SERPINA5: variants seen among roughly 807,000 people sequenced by gnomAD.
SERPINA5 encodes plasma serine protease inhibitor.
Under a neutral mutation model 25.3 loss-of-function variants are expected in SERPINA5, and 25 were observed. The observed-to-expected ratio is 0.99, with a 90% CI of 0.72 to 1.38. The LOEUF is 1.38. SERPINA5 is among the 40% of genes most tolerant of loss of function. The pLI is 0.00. For synonymous variants in SERPINA5, 234 were observed against 206.2 expected (o/e 1.14, Z -1.16); for missense variants, 599 against 509.5 (o/e 1.18, Z -1.69).
intron 5 of SERPINA5, 33 bp downstream of exon 5, chr14:94,590,929 C>T: frequency 6.3e-7 from 1 of 1,592,962 alleles, no homozygotes; most frequent in East Asian, 2.2e-5. Context: ...ATCTGCTTCC[C>T]AAGGTCTATT....
At chr14:94,591,549 GTTCTATTCTATTCTATTCTA>G (rs59712526) in intron 5 of SERPINA5, among the ~76,000 whole-genome samples, 36 of 108,298 alleles carry the variant, frequency 3.3e-4, no homozygotes, top group South Asian at 1.4e-3. Context: ...ATTCTGTTCT[GTTCTATTCTATTCTATTCTA>G]TTCTATTCTA....
chr14:94,590,065 A>G lies in SERPINA5; in HGVS notation c.644A>G (p.His215Arg). Residue 215 changes from histidine (H) to arginine (R), a missense_variant, in exon 4 of 6, where the codon CAC becomes CGC. His to Arg is a conservative substitution (Grantham distance 29). Coordinates refer to ENST00000329597, the MANE Select transcript of SERPINA5 (RefSeq NM_000624.6). ...FKAKWETSFN[H>R]KGTQEQDFYV... Reference sequence around the variant, plus strand: ...GCTAAGTGGGAGACAAGCTTCAACCACAAAGGCACCCAAGAGCAAGACTTC... The same window carrying G: ...GCTAAGTGGGAGACAAGCTTCAACCGCAAAGGCACCCAAGAGCAAGACTTC... The G allele has an allele frequency of 6.3e-7, 1 of 1,592,578 alleles. No homozygotes were observed. Among genetic ancestry groups the G allele is most frequent in the Non-Finnish European group, 8.6e-7 (1 of 1,164,310 alleles).
chr14:94,590,081 G>A lies in SERPINA5; in HGVS notation c.660G>A (p.Glu220=). The stretch of plus-strand genomic sequence containing the variant: ...GCTTCAACCACAAAGGCACCCAAGA[G>A]CAAGACTTCTACGTGACCTCGGAGA... ...ETSFNHKGTQ[E]QDFYVTSETV... is the part of the protein sequence containing the mutation. The change falls in exon 4 of 6, where the codon GAG becomes GAA. Residue 220 remains glutamate (E), a synonymous_variant. Coordinates refer to ENST00000329597, the MANE Select transcript of SERPINA5 (RefSeq NM_000624.6). 1 of 1,608,202 alleles carries A rather than the reference G, an allele frequency of 6.2e-7. No homozygotes were observed. Among genetic ancestry groups the A allele is most frequent in the Non-Finnish European group, 8.5e-7 (1 of 1,175,446 alleles).
In SERPINA5 at chr14:94,590,086, A is replaced by T. The variant is rs372907091; in HGVS notation, c.665A>T (p.Asp222Val). The T allele has an allele frequency of 3.1e-6, 5 of 1,610,542 alleles. No individual in the cohort carries two copies. Among genetic ancestry groups the T allele is most frequent in the Non-Finnish European group, 4.2e-6 (5 of 1,177,314 alleles). The change falls in exon 4 of 6, where the codon GAC becomes GTC. Residue 222 changes from aspartate to valine, a missense_variant. Asp to Val is a radical substitution (Grantham distance 152). Coordinates refer to ENST00000329597, the MANE Select transcript of SERPINA5 (RefSeq NM_000624.6). ...AACCACAAAGGCACCCAAGAGCAAG[A>T]CTTCTACGTGACCTCGGAGACTGTG... Reference protein sequence around the residue: ...SFNHKGTQEQDFYVTSETVVR... With the variant: ...SFNHKGTQEQVFYVTSETVVR...
intron 3 of SERPINA5, among the ~76,000 whole-genome samples, chr14:94,588,201 G>A (rs535043327): frequency 4.6e-5 from 7 of 152,290 alleles, no homozygotes; most frequent in Non-Finnish European, 7.4e-5. Flanking sequence ...TTTCCTCCAC[G>A]GAGGAAGAGC....
In SERPINA5 at chr14:94,590,134, G is replaced by T. The variant is rs141881639; in HGVS notation, c.713G>T (p.Arg238Leu). 1.2e-6 allele frequency: 2 copies of T among 1,614,082 alleles called. No individual in the cohort carries two copies. Among genetic ancestry groups the T allele is most frequent in the Non-Finnish European group, 8.5e-7 (1 of 1,179,988 alleles). Residue 238 changes from arginine (R) to leucine (L), a missense_variant, in exon 4 of 6, where the codon CGC becomes CTC. Arg to Leu is a moderately radical substitution (Grantham distance 102). Coordinates refer to ENST00000329597, the MANE Select transcript of SERPINA5 (RefSeq NM_000624.6). The stretch of plus-strand genomic sequence containing the variant: ...GTGGTGCGGGTACCCATGATGAGCC[G>T]CGAGGATCAGTATCACTACCTCCTG... ...ETVVRVPMMS[R>L]EDQYHYLLDR...
chr14:94,591,044 CCA>C (rs1885263313), intron 5 of SERPINA5, 148 bp downstream of exon 5: 1 of 612,100 alleles, frequency 1.6e-6, no homozygotes, highest in African/African-American at 1.9e-5. Flanking sequence ...CAATTCCACT[CCA>C]CTCCACTCCA....
At position 94,593,056 on chromosome 14, in the gene SERPINA5, T is replaced by A. The variant is rs1306388394; in HGVS notation, c.*817T>A. On this transcript the variant is annotated 3_prime_UTR_variant, in exon 6 of 6. Coordinates refer to ENST00000329597, the MANE Select transcript of SERPINA5 (RefSeq NM_000624.6). Reference sequence around the variant, plus strand: ...CAAATAGTAGAGTATCAGTTGCAGGTGCCAATGACTAACTTTTTGAATTCT... The same window carrying A: ...CAAATAGTAGAGTATCAGTTGCAGGAGCCAATGACTAACTTTTTGAATTCT... The A allele has an allele frequency of 6.6e-6, 1 of 152,046 alleles. No individual in the cohort carries two copies. Among genetic ancestry groups the A allele is most frequent in the Non-Finnish European group, 1.5e-5 (1 of 68,040 alleles). 9.4% of individuals were successfully genotyped at this position (152,046 alleles called of 1,614,324 possible). A position where few individuals can be genotyped will look rare whatever the true frequency, so the allele number is the denominator to read the frequency against.
intron 2 of SERPINA5, among the ~76,000 whole-genome samples, chr14:94,582,793 A>G (rs567447376): frequency 6.6e-6 from 1 of 152,376 alleles, no homozygotes; most frequent in South Asian, 2.1e-4. Context: ...AAATGCATAT[A>G]TAAAGGCACA....
intron 5 of SERPINA5, among the ~76,000 whole-genome samples, chr14:94,591,286 CCTCCA>C (rs781491550): frequency 2.0e-3 from 284 of 143,724 alleles, no homozygotes; most frequent in Non-Finnish European, 3.3e-3. Context: ...CCACTCCACT[CCTCCA>C]CTCCACTCCA....
At chr14:94,586,264 A>G (rs1192772442) in intron 2 of SERPINA5, among the ~76,000 whole-genome samples, 1 of 152,204 alleles carries the variant, frequency 6.6e-6, no homozygotes, top group Non-Finnish European at 1.5e-5. Context: ...GGAAGATGAA[A>G]AGATGTCTTT....
At chr14:94,590,689 G>A (rs1885248785) in intron 4 of SERPINA5, 60 bp from the exon 5 acceptor site, 2 of 1,553,740 alleles carry the variant, frequency 1.3e-6, no homozygotes, top group South Asian at 2.4e-5. Flanking sequence ...AATCCAAGGG[G>A]TGAGGCTCAG....
At chr14:94,581,743 T>C (rs1884924602) in intron 2 of SERPINA5, 33 bp downstream of exon 2, 1 of 152,094 alleles carries the variant, frequency 6.6e-6, no homozygotes, top group South Asian at 2.1e-4. Context: ...CTCTGGATGG[T>C]GTGACTGAAG....
rs761414197 is a variant in SERPINA5, at chr14:94,587,500, G to A, written c.138G>A (p.Arg46=). Residue 46 remains arginine (R), a synonymous_variant, in exon 3 of 6, where the codon AGG becomes AGA. Coordinates refer to ENST00000329597, the MANE Select transcript of SERPINA5 (RefSeq NM_000624.6). ...CCACGGTGGCCCCCAGCAGCAGAAG[G>A]GACTTTACCTTTGACCTCTACAGGG... ...VGATVAPSSR[R]DFTFDLYRAL... is the part of the protein sequence containing the mutation. 13 of 1,614,052 alleles carry A rather than the reference G, an allele frequency of 8.1e-6. No individual in the cohort carries two copies. Among genetic ancestry groups the A allele is most frequent in the African/African-American group, 5.3e-5 (4 of 75,016 alleles).
intron 2 of SERPINA5, chr14:94,582,252 A>G (rs1331477894): frequency 6.6e-6 from 1 of 152,248 alleles, no homozygotes; most frequent in East Asian, 1.9e-4. Flanking sequence ...ATATGCAGCA[A>G]TAAAAGAGCA....
chr14:94,584,511 G>A (rs1371701899), intron 2 of SERPINA5, among the ~76,000 whole-genome samples: 6 of 152,100 alleles, frequency 3.9e-5, no homozygotes, highest in South Asian at 4.1e-4. Flanking sequence ...GTGCACACCC[G>A]GAGAAGCAGC....
intron 2 of SERPINA5, among the ~76,000 whole-genome samples, chr14:94,586,432 TTCTCCCTGTC>T (rs1885086946): frequency 6.6e-6 from 1 of 150,734 alleles, no homozygotes; most frequent in African/African-American, 2.5e-5. Flanking sequence ...GGTGGCTGCC[TTCTCCCTGTC>T]TTCACCTGGT....
chr14:94,590,094 G>A lies in SERPINA5; in HGVS notation c.673G>A (p.Val225Met), dbSNP rs1468243974. Residue 225 changes from valine to methionine, a missense_variant, in exon 4 of 6, where the codon GTG becomes ATG. By Grantham distance (21) the Val-to-Met change is conservative. Transcript: ENST00000329597. ...HKGTQEQDFY[V>M]TSETVVRVPM... ...AGGCACCCAAGAGCAAGACTTCTAC[G>A]TGACCTCGGAGACTGTGGTGCGGGT... 5.0e-6 allele frequency: 8 copies of A among 1,611,918 alleles called. No homozygotes were observed. The highest frequency in any genetic ancestry group is 1.6e-4 in the Middle Eastern group (1 of 6,064).
At chr14:94,589,638 C>A (rs981768065) in intron 3 of SERPINA5, among the ~76,000 whole-genome samples, 1 of 152,040 alleles carries the variant, frequency 6.6e-6, no homozygotes, top group African/African-American at 2.4e-5. Context: ...AAATTTAAAT[C>A]AAAATATTGG....
Sources: gnomAD v4.1 joint callset for allele counts (sites outside exome capture counted in the v4.1 genomes callset) on GRCh38, gnomAD v4.1.1 for gene constraint, MANE v1.5 for transcripts, NCBI Gene and HGNC (gene_info 2026-07-23, HGNC 2026-07-21) for gene names.